ARHGEF4: variants seen among roughly 807,000 people sequenced by gnomAD.
ARHGEF4 encodes the protein Rho guanine nucleotide exchange factor 4.
A neutral mutation model predicts 162.0 loss-of-function variants in ARHGEF4; 119 were observed. The observed-to-expected ratio is 0.73, with a 90% confidence interval of 0.63 to 0.86. ARHGEF4 has a LOEUF of 0.86. Ranked by LOEUF, ARHGEF4 falls within the 40% of genes least tolerant of loss-of-function variation. The pLI is 0.00. For synonymous variants in ARHGEF4, 1,014 were observed against 979.9 expected (o/e 1.03, Z -0.65); for missense variants, 2,488 against 2,456.0 (o/e 1.01, Z -0.28).
Position 130,914,469 on chromosome 2 carries a change from G to A in ARHGEF4, c.523G>A (p.Ala175Thr), listed in dbSNP as rs114914146. Residue 175 changes from alanine (A) to threonine (T), a missense_variant, in exon 2 of 14, where the codon GCA becomes ACA. Physicochemically the swap from Ala to Thr is moderately conservative, Grantham distance 58. Transcript: ENST00000409359. ...CAGCCTGGAGCGAGAGTCTTTGCTG[G>A]CAGGGGTTCCCCGACACACAGGGTG... ...ATSLERESLL[A>T]GVPRHTGCCL... The A allele has an allele frequency of 4.2e-3, 6,026 of 1,433,286 alleles. 19 individuals carry two copies. The highest frequency in any genetic ancestry group is 4.9e-3 in the Non-Finnish European group (5,355 of 1,099,472). The allele number at this position is 1,433,286 out of a possible 1,614,324, so 88.8% of individuals were successfully genotyped here.
intron 4 of ARHGEF4, among the ~76,000 whole-genome samples, chr2:130,962,765 C>T (rs1308682514): frequency 1.3e-5 from 2 of 151,864 alleles, no homozygotes; most frequent in African/African-American, 4.8e-5. Context: ...CTAGAAGCAG[C>T]CCCCAAGGGC....
At chr2:130,863,905 C>CG (rs1682067394) in intron 1 of ARHGEF4, among the ~76,000 whole-genome samples, 1 of 121,834 alleles carries the variant, frequency 8.2e-6, no homozygotes, top group African/African-American at 3.2e-5. Context: ...GTGAGTTAGG[C>CG]GGGGCACAGT....
At chr2:130,988,380 TGAAATGGTGGTGTGTGGGCACTAA>T (rs1189155927) in intron 4 of ARHGEF4, among the ~76,000 whole-genome samples, 1 of 152,196 alleles carries the variant, frequency 6.6e-6, no homozygotes, top group Non-Finnish European at 1.5e-5. Context: ...GGATCCCCTA[TGAAATGGTGGTGTGTGGGCACTAA>T]GAAAGGAGAT....
intron 9 of ARHGEF4, 83 bp downstream of exon 9, chr2:131,041,545 G>A: frequency 1.5e-6 from 2 of 1,378,764 alleles, no homozygotes; most frequent in Non-Finnish European, 2.0e-6. Context: ...AGTGTGCTGG[G>A]CACTGCTGCA....
chr2:130,928,595 C>G (rs891116720), intron 2 of ARHGEF4, among the ~76,000 whole-genome samples: 52 of 152,306 alleles, frequency 3.4e-4, no homozygotes, highest in African/African-American at 1.2e-3. Context: ...GTCACACTTA[C>G]AAACTTTAAA....
At chr2:130,840,646 G>A (rs1423194281) in intron 1 of ARHGEF4, among the ~76,000 whole-genome samples, 1 of 152,204 alleles carries the variant, frequency 6.6e-6, no homozygotes, top group Non-Finnish European at 1.5e-5. Flanking sequence ...TAGGGAAATT[G>A]CCATAGGACA....
At chr2:130,988,891 T>G (rs931930509) in intron 4 of ARHGEF4, among the ~76,000 whole-genome samples, 312 of 116,224 alleles carry the variant, frequency 2.7e-3, no homozygotes, top group African/African-American at 7.2e-3. Context: ...TATATATATA[T>G]ATATATATAT....
At chr2:130,983,710 C>T (rs1319659858) in intron 4 of ARHGEF4, among the ~76,000 whole-genome samples, 6 of 151,820 alleles carry the variant, frequency 4.0e-5, no homozygotes, top group African/African-American at 9.7e-5. Context: ...AGTACAGTGG[C>T]GCCATCTCAG....
chr2:130,851,582 T>A (rs1273982724), intron 1 of ARHGEF4, among the ~76,000 whole-genome samples: 1 of 151,546 alleles, frequency 6.6e-6, no homozygotes, highest in Non-Finnish European at 1.5e-5. Context: ...GAGGGTGGAG[T>A]GGACGGGCTG....
Position 130,916,282 on chromosome 2 carries a change from G to A in ARHGEF4, c.2336G>A (p.Arg779His), listed in dbSNP as rs1191716859. 5 of 1,528,884 alleles carry A rather than the reference G, an allele frequency of 3.3e-6. No homozygotes were observed. Among genetic ancestry groups the A allele is most frequent in the Non-Finnish European group, 4.4e-6 (5 of 1,140,374 alleles). The allele number at this position is 1,528,884 out of a possible 1,614,324, so 94.7% of individuals were successfully genotyped here. A position where few individuals can be genotyped will look rare whatever the true frequency, so the allele number is the denominator to read the frequency against. ...VPALEPPQPP[R>H]GLRKGAQEPG... ...GCCTTGGAGCCGCCCCAGCCGCCAC[G>A]CGGGCTCCGCAAGGGCGCGCAGGAG... Residue 779 changes from arginine (R) to histidine (H), a missense_variant, in exon 2 of 14, where the codon CGC (arginine) becomes CAC (histidine). Physicochemically the swap from Arg to His is conservative, Grantham distance 29. Transcript: ENST00000409359.
chr2:130,973,512 A>T (rs998218216), intron 4 of ARHGEF4, among the ~76,000 whole-genome samples: 1 of 152,174 alleles, frequency 6.6e-6, no homozygotes, highest in Admixed American at 6.5e-5. Flanking sequence ...AATAAATAAA[A>T]TAAATGAAAT....
At chr2:130,991,394 C>G (rs1295259228) in intron 4 of ARHGEF4, among the ~76,000 whole-genome samples, 1 of 152,260 alleles carries the variant, frequency 6.6e-6, no homozygotes, top group Non-Finnish European at 1.5e-5. Flanking sequence ...GAGCCCCTTT[C>G]TGGGCTGGCC....
intron 4 of ARHGEF4, among the ~76,000 whole-genome samples, chr2:130,997,273 T>A (rs572035012): frequency 6.6e-6 from 1 of 152,328 alleles, no homozygotes; most frequent in East Asian, 1.9e-4. Flanking sequence ...AATACAACCT[T>A]CTAGCAGGTT....
chr2:131,039,789 T>C, intron 6 of ARHGEF4: 1 of 1,398,532 alleles, frequency 7.2e-7, no homozygotes, highest in South Asian at 1.6e-5. Context: ...GGAGGCCAAA[T>C]CGGTATTCGG....
chr2:131,022,734 A>C (rs1689217641), intron 4 of ARHGEF4, among the ~76,000 whole-genome samples: 1 of 152,012 alleles, frequency 6.6e-6, no homozygotes, highest in Admixed American at 6.6e-5. Context: ...AGAAAACATT[A>C]AGAGAAAATC....
At chr2:130,864,462 C>T (rs371999599) in intron 1 of ARHGEF4, among the ~76,000 whole-genome samples, 229 of 152,238 alleles carry the variant, frequency 1.5e-3, no homozygotes, top group African/African-American at 5.3e-3. Context: ...CGCTGGCTCA[C>T]GCCTATAATC....
intron 4 of ARHGEF4, among the ~76,000 whole-genome samples, chr2:130,979,252 C>T (rs1253191581): frequency 6.6e-6 from 1 of 152,144 alleles, no homozygotes; most frequent in East Asian, 1.9e-4. Flanking sequence ...CTCATATAAT[C>T]CTAGAACCCA....
chr2:130,971,471 A>C (rs1685363638), intron 4 of ARHGEF4, among the ~76,000 whole-genome samples: 1 of 152,154 alleles, frequency 6.6e-6, no homozygotes, highest in Admixed American at 6.5e-5. Flanking sequence ...CAGCCTGACC[A>C]ACATGGTGAA....
At chr2:130,944,764 T>A (rs1020379376) in intron 3 of ARHGEF4, among the ~76,000 whole-genome samples, 16 of 152,206 alleles carry the variant, frequency 1.1e-4, no homozygotes, top group Non-Finnish European at 2.1e-4. Flanking sequence ...TTGTTGACTA[T>A]CTTTTCCCTT....
Sources: allele counts gnomAD v4.1 joint callset (sites outside exome capture counted in the v4.1 genomes callset), GRCh38; gene constraint gnomAD v4.1.1; transcripts MANE v1.5; gene names NCBI Gene and HGNC (gene_info 2026-07-23, HGNC 2026-07-21).